The following TOX variants were observed in gnomAD, a reference collection of about 807,000 sequenced individuals.
TOX encodes the protein thymocyte selection-associated high mobility group box protein TOX.
Under a neutral mutation model 53.7 loss-of-function variants are expected in TOX, and 11 were observed. The ratio of observed to expected loss-of-function variants is 0.20; its 90% CI spans 0.13 to 0.34. The LOEUF (loss-of-function observed/expected upper bound fraction) is 0.34. TOX is among the 10% of genes least tolerant of loss of function. The probability of loss-of-function intolerance (pLI) is 1.00; values close to 1 mark genes in which losing one functional copy is unlikely to be tolerated. For synonymous variants in TOX, 225 were observed against 245.3 expected (o/e 0.92, Z 0.77); for missense variants, 570 against 664.6 (o/e 0.86, Z 1.56).
chr8:59,033,139 G>A (rs764557041), intron 1 of TOX, among the ~76,000 whole-genome samples: 18 of 152,042 alleles, frequency 1.2e-4, no homozygotes, highest in Non-Finnish European at 1.3e-4. Context: ...GCCTCTCCTC[G>A]TGGCCAAAAC....
At chr8:59,030,675 C>T (rs565738374) in intron 1 of TOX, among the ~76,000 whole-genome samples, 4 of 152,302 alleles carry the variant, frequency 2.6e-5, no homozygotes, top group Non-Finnish European at 5.9e-5. Context: ...ACTGAGGCTA[C>T]TGGCTCCCGA....
At chr8:58,914,628 C>T (rs1396615900) in intron 3 of TOX, among the ~76,000 whole-genome samples, 1 of 152,194 alleles carries the variant, frequency 6.6e-6, no homozygotes. Flanking sequence ...AAACAGTATC[C>T]TTCTCCCCCA....
rs116207863 is a variant in TOX at position 58,882,767 on chromosome 8, C to T, written c.412-30962G>A. Among the ~76,000 whole-genome samples the T allele has an allele frequency of 5.7e-3, 862 of 152,288 alleles. 9 individuals carry two copies. The highest frequency in any genetic ancestry group is 0.019 in the African/African-American group (808 of 41,576). On this transcript the variant is annotated intron_variant, in intron 3 of 8. Transcript: ENST00000361421. Reference sequence around the variant, plus strand: ...TGAAAGTATCACAGCACAGGCTTGACAAATACATGAGGGAGATGTTGTAGG... The same window carrying T: ...TGAAAGTATCACAGCACAGGCTTGATAAATACATGAGGGAGATGTTGTAGG...
intron 5 of TOX, 88 bp from the exon 6 acceptor site, chr8:58,826,990 CA>C: frequency 1.2e-6 from 1 of 832,818 alleles, no homozygotes; most frequent in Non-Finnish European, 1.8e-6. Flanking sequence ...ACTGCACACA[CA>C]AACACACTTA....
intron 6 of TOX, among the ~76,000 whole-genome samples, chr8:58,816,924 A>G (rs1489406971): frequency 6.6e-6 from 1 of 152,206 alleles, no homozygotes; most frequent in East Asian, 1.9e-4. Context: ...CATTACGGTT[A>G]GCAACACAAC....
At chr8:58,820,274 C>G (rs1171254813) in intron 6 of TOX, among the ~76,000 whole-genome samples, 2 of 118,170 alleles carry the variant, frequency 1.7e-5, no homozygotes, top group Non-Finnish European at 3.3e-5. Flanking sequence ...CTGTTCTGTA[C>G]GTTAAAAAAA....
At chr8:59,069,197 G>C (rs966110342) in intron 1 of TOX, among the ~76,000 whole-genome samples, 1 of 152,098 alleles carries the variant, frequency 6.6e-6, no homozygotes, top group Admixed American at 6.5e-5. Context: ...AGGATAGAGG[G>C]GTAGCAAATA....
chr8:58,926,802 A>C (rs930900986), intron 3 of TOX, among the ~76,000 whole-genome samples: 2 of 152,132 alleles, frequency 1.3e-5, no homozygotes. Flanking sequence ...GAGCTGCAGA[A>C]CCCTTGTCTG....
intron 1 of TOX, among the ~76,000 whole-genome samples, chr8:59,054,914 G>T (rs1803862173): frequency 8.8e-6 from 1 of 113,888 alleles, no homozygotes; most frequent in African/African-American, 2.9e-5. Flanking sequence ...AAGAAAGAAA[G>T]AGAAAGAAAG....
At chr8:59,057,843 T>C (rs928094911) in intron 1 of TOX, among the ~76,000 whole-genome samples, 1 of 152,044 alleles carries the variant, frequency 6.6e-6, no homozygotes, top group African/African-American at 2.4e-5. Flanking sequence ...GGAAGTTGTT[T>C]TTTGTTTTTT....
intron 3 of TOX, among the ~76,000 whole-genome samples, chr8:58,867,778 T>C (rs896781881): frequency 1.3e-5 from 2 of 152,198 alleles, no homozygotes; most frequent in Non-Finnish European, 2.9e-5. Flanking sequence ...TTGGCTCTCC[T>C]GACCAGAATC....
chr8:58,929,946 T>C (rs1458678464), intron 3 of TOX, among the ~76,000 whole-genome samples: 1 of 152,148 alleles, frequency 6.6e-6, no homozygotes, highest in Non-Finnish European at 1.5e-5. Flanking sequence ...TGGATTTATC[T>C]AAAAAGGAGG....
At chr8:59,067,353 A>C (rs1432579069) in intron 1 of TOX, among the ~76,000 whole-genome samples, 1 of 152,146 alleles carries the variant, frequency 6.6e-6, no homozygotes, top group Admixed American at 6.5e-5. Context: ...CAGGAGTTTG[A>C]TACCAGCCTG....
At chr8:58,923,548 T>G (rs1310211172) in intron 3 of TOX, among the ~76,000 whole-genome samples, 1 of 152,166 alleles carries the variant, frequency 6.6e-6, no homozygotes, top group Non-Finnish European at 1.5e-5. Flanking sequence ...AATCAAACCT[T>G]TTTTCATTTT....
intron 1 of TOX, among the ~76,000 whole-genome samples, chr8:59,065,614 T>C (rs542449692): frequency 6.6e-6 from 1 of 152,322 alleles, no homozygotes; most frequent in East Asian, 1.9e-4. Context: ...TGCCTTGTTC[T>C]GAATCATTTA....
At chr8:58,918,833 A>C (rs1169945033) in intron 3 of TOX, among the ~76,000 whole-genome samples, 10 of 145,056 alleles carry the variant, frequency 6.9e-5, no homozygotes, top group African/African-American at 2.6e-4. Flanking sequence ...AATCTCCTTA[A>C]GCTGATAAGC....
chr8:59,015,064 A>AC (rs1337801624), intron 1 of TOX, among the ~76,000 whole-genome samples: 4 of 152,156 alleles, frequency 2.6e-5, no homozygotes, highest in Non-Finnish European at 5.9e-5. Flanking sequence ...GAGAGGATCA[A>AC]CCCCCTCTGG....
At chr8:58,987,049 G>T (rs17241424) in intron 1 of TOX, among the ~76,000 whole-genome samples, 12,651 of 152,240 alleles carry the variant, frequency 0.083, 666 homozygotes, top group Middle Eastern at 0.17. Flanking sequence ...ATTTGCACAC[G>T]TTTGGAGAAG....
intron 1 of TOX, among the ~76,000 whole-genome samples, chr8:59,026,575 C>T (rs958970928): frequency 1.3e-5 from 2 of 152,082 alleles, no homozygotes; most frequent in Non-Finnish European, 2.9e-5. Flanking sequence ...GATAAGAAAG[C>T]TTACAGGATC....
Sources: allele counts gnomAD v4.1 joint callset (sites outside exome capture counted in the v4.1 genomes callset), GRCh38; gene constraint gnomAD v4.1.1; transcripts MANE v1.5; gene names NCBI Gene and HGNC (gene_info 2026-07-23, HGNC 2026-07-21).